The following ACTL8 variants were observed in gnomAD, a reference collection of about 807,000 sequenced individuals.
ACTL8 encodes the protein actin like 8.
A neutral mutation model predicts 9.3 loss-of-function variants in ACTL8; 3 were observed. The ratio of observed to expected loss-of-function variants is 0.32; its 90% CI spans 0.15 to 0.83. The LOEUF is 0.83. ACTL8 is among the 40% of genes least tolerant of loss of function. The pLI, the probability that ACTL8 is intolerant of heterozygous loss-of-function variation, is 0.57. For synonymous variants in ACTL8, 224 were observed against 205.9 expected (o/e 1.09, Z -0.75); for missense variants, 381 against 492.2 (o/e 0.77, Z 2.14).
chr1:17,770,785 T>C (rs969925852), intron 1 of ACTL8, among the ~76,000 whole-genome samples: 4 of 152,032 alleles, frequency 2.6e-5, no homozygotes, highest in Non-Finnish European at 4.4e-5. Flanking sequence ...AGATGGACTG[T>C]ATAGTCAGGA....
intron 1 of ACTL8, among the ~76,000 whole-genome samples, chr1:17,760,791 C>T (rs1034263185): frequency 6.6e-6 from 1 of 152,226 alleles, no homozygotes; most frequent in African/African-American, 2.4e-5. Flanking sequence ...ATCACCTCAG[C>T]TGGCATCTTG....
intron 1 of ACTL8, among the ~76,000 whole-genome samples, chr1:17,773,648 G>A (rs1003388416): frequency 6.6e-6 from 1 of 152,206 alleles, no homozygotes; most frequent in Non-Finnish European, 1.5e-5. Context: ...AGGAGGCGGG[G>A]CTGCAAGGCT....
intron 1 of ACTL8, among the ~76,000 whole-genome samples, chr1:17,803,127 C>T (rs2066334877): frequency 1.3e-5 from 2 of 152,036 alleles, no homozygotes; most frequent in South Asian, 2.1e-4. Context: ...GTCACGGAGG[C>T]GGTTACCCCC....
chr1:17,768,355 G>A (rs1464303251), intron 1 of ACTL8, among the ~76,000 whole-genome samples: 4 of 152,336 alleles, frequency 2.6e-5, no homozygotes, highest in East Asian at 3.9e-4. Context: ...GCCTGGCAGT[G>A]TGCAGGGCTC....
chr1:17,824,211 A>G (rs1218578421), intron 2 of ACTL8, among the ~76,000 whole-genome samples: 2 of 152,218 alleles, frequency 1.3e-5, no homozygotes, highest in African/African-American at 4.8e-5. Context: ...TCTACTTTAA[A>G]TCAAGGATTG....
chr1:17,781,292 G>C (rs1256801219), intron 1 of ACTL8, among the ~76,000 whole-genome samples: 1 of 149,762 alleles, frequency 6.7e-6, no homozygotes, highest in Non-Finnish European at 1.5e-5. Flanking sequence ...CCAGGCTGGA[G>C]TACACTGGTG....
chr1:17,790,485 G>A (rs878948027), intron 1 of ACTL8, among the ~76,000 whole-genome samples: 2 of 152,224 alleles, frequency 1.3e-5, no homozygotes, highest in South Asian at 4.1e-4. Flanking sequence ...AGGCCCTGGA[G>A]TGGGTAACTC....
At position 17,767,494 on chromosome 1, in the gene ACTL8, A is replaced by G. The variant is rs1344056864; in HGVS notation, c.-25+11990A>G. ...GTCTGCACATCCTTCTCTCCCGGCT[A>G]AGACCTTCCCTGCTCTCCTGGGGGT... On this transcript the variant is annotated intron_variant, in intron 1 of 2. Coordinates refer to ENST00000375406, the MANE Select transcript of ACTL8 (RefSeq NM_030812.3). The surrounding 1 kb of genome is among the most constrained non-coding windows in gnomAD (Gnocchi z 4.7). Among the ~76,000 whole-genome samples the G allele has an allele frequency of 2.0e-5, 3 of 152,094 alleles. No individual in the cohort carries two copies. Among genetic ancestry groups the G allele is most frequent in the Non-Finnish European group, 4.4e-5 (3 of 68,014 alleles).
intron 1 of ACTL8, among the ~76,000 whole-genome samples, chr1:17,798,555 GT>G (rs1237569867): frequency 1.3e-5 from 2 of 152,208 alleles, no homozygotes; most frequent in Non-Finnish European, 2.9e-5. Flanking sequence ...TTTCTTGGGA[GT>G]TCTGTTTTAA....
At chr1:17,763,530 G>A (rs1211768180) in intron 1 of ACTL8, among the ~76,000 whole-genome samples, 1 of 152,058 alleles carries the variant, frequency 6.6e-6, no homozygotes, top group African/African-American at 2.4e-5. Context: ...GCCCCTCCCC[G>A]TGTCCCCTGC....
intron 1 of ACTL8, among the ~76,000 whole-genome samples, chr1:17,802,641 T>A (rs2066329951): frequency 6.6e-6 from 1 of 152,202 alleles, no homozygotes; most frequent in Non-Finnish European, 1.5e-5. Flanking sequence ...TCTTTAACTC[T>A]TAGACTTAGC....
chr1:17,789,173 C>A (rs1220734951), intron 1 of ACTL8, among the ~76,000 whole-genome samples: 1 of 152,172 alleles, frequency 6.6e-6, no homozygotes, highest in Non-Finnish European at 1.5e-5. Flanking sequence ...TTGGAGACAA[C>A]TGCTCTTAGT....
chr1:17,817,094 A>G (rs1321211142), intron 1 of ACTL8, among the ~76,000 whole-genome samples: 4 of 150,682 alleles, frequency 2.7e-5, no homozygotes, highest in African/African-American at 7.3e-5. Context: ...CATTTTGTCT[A>G]GAATTTTTAG....
chr1:17,795,135 G>A (rs779348736), intron 1 of ACTL8, among the ~76,000 whole-genome samples: 1 of 152,210 alleles, frequency 6.6e-6, no homozygotes, highest in Non-Finnish European at 1.5e-5. Context: ...ATTCTCGCTC[G>A]CACTGCTGTG....
chr1:17,772,364 C>G (rs1053713024), intron 1 of ACTL8, among the ~76,000 whole-genome samples: 22 of 152,146 alleles, frequency 1.4e-4, no homozygotes, highest in Admixed American at 1.2e-3. Flanking sequence ...TGGGCTGTTA[C>G]TCGGCACTTC....
intron 1 of ACTL8, among the ~76,000 whole-genome samples, chr1:17,808,286 A>C (rs1451284228): frequency 6.6e-6 from 1 of 152,216 alleles, no homozygotes; most frequent in Non-Finnish European, 1.5e-5. Context: ...TGGCAATAAG[A>C]GCTCAACAGA....
intron 1 of ACTL8, among the ~76,000 whole-genome samples, chr1:17,772,620 G>T (rs2066090762): frequency 6.6e-6 from 1 of 152,232 alleles, no homozygotes; most frequent in Non-Finnish European, 1.5e-5. Context: ...ACCGGAGAGA[G>T]GGAGCCCAAT....
intron 1 of ACTL8, among the ~76,000 whole-genome samples, chr1:17,811,823 CTG>C (rs1423271372): frequency 1.3e-5 from 2 of 150,962 alleles, no homozygotes; most frequent in African/African-American, 4.9e-5. Flanking sequence ...ATCCATGTGA[CTG>C]TGCTTTTACC....
Position 17,826,383 on chromosome 1 carries a change from C to A in ACTL8, c.965C>A (p.Ser322Tyr). 1.2e-6 allele frequency: 2 copies of A among 1,614,136 alleles called. No homozygotes were observed. The highest frequency in any genetic ancestry group is 2.2e-5 in the South Asian group (2 of 91,068). ...GAGCTGATGGGGGATCACGTCTCCT[C>A]CACCAAGGCCACAGTCTGGGAGGGT... is the stretch of plus-strand genomic sequence containing the variant. The part of the protein sequence containing the change: ...FRELMGDHVS[S>Y]TKATVWEGSN... Residue 322 changes from serine (S) to tyrosine (Y), a missense_variant, in exon 3 of 3, where the codon TCC becomes TAC. Ser to Tyr is a moderately radical substitution (Grantham distance 144, BLOSUM62 -2). Coordinates refer to ENST00000375406, the MANE Select transcript of ACTL8 (RefSeq NM_030812.3). This position sits in a 1 kb window ranked among gnomAD's most constrained non-coding sequence, Gnocchi z 4.5.
Sources: allele counts gnomAD v4.1 joint callset (sites outside exome capture counted in the v4.1 genomes callset), GRCh38; gene constraint gnomAD v4.1.1; non-coding constraint Gnocchi (gnomAD v3.1); transcripts MANE v1.5; gene names NCBI Gene and HGNC (gene_info 2026-07-23, HGNC 2026-07-21).